SLC8A1: variants seen among roughly 807,000 people sequenced by gnomAD.
The protein encoded by SLC8A1 is sodium/calcium exchanger 1.
Under a neutral mutation model 68.3 loss-of-function variants are expected in SLC8A1, and 18 were observed. The observed-to-expected ratio is 0.26, with a 90% CI of 0.18 to 0.39. The LOEUF is 0.39. SLC8A1 is among the 10% of genes least tolerant of loss of function. The pLI is 1.00. For synonymous variants in SLC8A1, 475 were observed against 415.5 expected, an observed-to-expected ratio of 1.14 and a Z score of -1.74; for missense variants, 985 against 1,156.7, an observed-to-expected ratio of 0.85 and a Z score of 2.15.
chr2:40,496,512 G>C (rs1258423912), intron 1 of SLC8A1, among the ~76,000 whole-genome samples: 1 of 151,968 alleles, frequency 6.6e-6, no homozygotes, highest in Non-Finnish European at 1.5e-5. Context: ...ATAAACCAGA[G>C]CTTGACTTTT....
At chr2:40,357,672 C>T (rs528652376) in intron 2 of SLC8A1, among the ~76,000 whole-genome samples, 2 of 152,004 alleles carry the variant, frequency 1.3e-5, no homozygotes, top group South Asian at 4.2e-4. Context: ...CACATGTATC[C>T]GAGAACTTAA....
chr2:40,466,016 T>C (rs980014384), intron 1 of SLC8A1, among the ~76,000 whole-genome samples: 4 of 152,174 alleles, frequency 2.6e-5, no homozygotes, highest in African/African-American at 9.7e-5. Context: ...AAGAAGGCCC[T>C]GACAAGATGC....
chr2:40,387,936 C>CA (rs57394425), intron 2 of SLC8A1, among the ~76,000 whole-genome samples: 2,853 of 90,584 alleles, frequency 0.031, 130 homozygotes, highest in African/African-American at 0.096. Flanking sequence ...GAGACTGCCT[C>CA]AAAAAAAAAA....
intron 2 of SLC8A1, among the ~76,000 whole-genome samples, chr2:40,281,795 TAA>T (rs1290556113): frequency 3.9e-5 from 6 of 152,238 alleles, no homozygotes; most frequent in Non-Finnish European, 8.8e-5. Flanking sequence ...GGAATTTCTG[TAA>T]GCCGGAATCA....
chr2:40,190,280 C>T (rs941027347), intron 2 of SLC8A1, among the ~76,000 whole-genome samples: 2 of 152,182 alleles, frequency 1.3e-5, no homozygotes, highest in Admixed American at 6.6e-5. Context: ...AGCACAATCT[C>T]TCAATCCTTA....
chr2:40,496,545 T>C (rs1294465631), intron 1 of SLC8A1, among the ~76,000 whole-genome samples: 1 of 152,032 alleles, frequency 6.6e-6, no homozygotes, highest in Non-Finnish European at 1.5e-5. Context: ...TGAGGATATT[T>C]GTGCATATTA....
At chr2:40,464,507 A>C (rs1420157374) in intron 1 of SLC8A1, among the ~76,000 whole-genome samples, 1 of 152,226 alleles carries the variant, frequency 6.6e-6, no homozygotes, top group Non-Finnish European at 1.5e-5. Flanking sequence ...AAGAGGTTCC[A>C]AAAGAATTGC....
chr2:40,300,134 G>C (rs908577621), intron 2 of SLC8A1, among the ~76,000 whole-genome samples: 1 of 152,130 alleles, frequency 6.6e-6, no homozygotes, highest in Non-Finnish European at 1.5e-5. Flanking sequence ...GGCCCATGAA[G>C]ATCTATGCTG....
intron 2 of SLC8A1, among the ~76,000 whole-genome samples, chr2:40,421,902 C>T (rs1273411524): frequency 6.6e-6 from 1 of 152,144 alleles, no homozygotes; most frequent in Non-Finnish European, 1.5e-5. Context: ...CATGTCGAGC[C>T]AGGAGAGGAG....
intron 6 of SLC8A1, among the ~76,000 whole-genome samples, chr2:40,147,536 A>G (rs1308980365): frequency 6.6e-6 from 1 of 151,098 alleles, no homozygotes; most frequent in African/African-American, 2.4e-5. Flanking sequence ...TTACAGTGGG[A>G]AGTATGTGGG....
chr2:40,189,343 C>A (rs536054892), intron 2 of SLC8A1, among the ~76,000 whole-genome samples: 1 of 152,146 alleles, frequency 6.6e-6, no homozygotes, highest in Non-Finnish European at 1.5e-5. Context: ...ATTATCGAGA[C>A]GGAGTCTCGC....
intron 6 of SLC8A1, among the ~76,000 whole-genome samples, chr2:40,157,385 G>A (rs574240986): frequency 1.8e-4 from 28 of 152,234 alleles, no homozygotes; most frequent in Admixed American, 5.9e-4. Flanking sequence ...ATCCAGGGAG[G>A]TTTTGGAAGG....
intron 7 of SLC8A1, among the ~76,000 whole-genome samples, chr2:40,135,664 G>A (rs745711310): frequency 3.9e-5 from 6 of 152,324 alleles, no homozygotes; most frequent in Admixed American, 1.3e-4. Flanking sequence ...GTTGCAGTGA[G>A]CCAAGATCGT....
intron 7 of SLC8A1, among the ~76,000 whole-genome samples, chr2:40,131,157 C>G (rs1007144155): frequency 6.6e-6 from 1 of 152,138 alleles, no homozygotes; most frequent in South Asian, 2.1e-4. Context: ...TCCTATTATT[C>G]TGGCTTAGAG....
At chr2:40,403,678 A>G (rs1401023824) in intron 2 of SLC8A1, among the ~76,000 whole-genome samples, 5 of 152,214 alleles carry the variant, frequency 3.3e-5, no homozygotes, top group African/African-American at 2.4e-5. Flanking sequence ...ATTAATACTC[A>G]GCTAACTTGA....
rs577688116 is a variant in SLC8A1, at chr2:40,220,874, T to C, written c.1809-43019A>G. Among the ~76,000 whole-genome samples, 3 of 148,588 alleles carry C rather than the reference T, an allele frequency of 2.0e-5. No homozygotes were observed. The South Asian group carries it at 6.4e-4, about 32-fold the overall frequency. On this transcript the variant is annotated intron_variant, in intron 2 of 7. Transcript: ENST00000406785. ...TCTTAATAGTTGAATTTTTTTTTCT[T>C]CAAAAAAAAAGTCCTATCAACCAAA...
chr2:40,252,588 C>G (rs2062939531), intron 2 of SLC8A1, among the ~76,000 whole-genome samples: 1 of 152,120 alleles, frequency 6.6e-6, no homozygotes, highest in Non-Finnish European at 1.5e-5. Flanking sequence ...CCTGCCTTGG[C>G]CTCCCAAAGT....
At chr2:40,346,410 T>TA (rs1299951847) in intron 2 of SLC8A1, among the ~76,000 whole-genome samples, 1 of 152,160 alleles carries the variant, frequency 6.6e-6, no homozygotes, top group African/African-American at 2.4e-5. Context: ...CTAGGGCGTT[T>TA]ACCTCATACT....
At chr2:40,294,417 GA>G (rs1408510234) in intron 2 of SLC8A1, among the ~76,000 whole-genome samples, 2 of 152,122 alleles carry the variant, frequency 1.3e-5, no homozygotes, top group African/African-American at 4.8e-5. Flanking sequence ...GGGGACCACA[GA>G]GGTATTTAGT....
Sources: allele counts gnomAD v4.1 joint callset (sites outside exome capture counted in the v4.1 genomes callset), GRCh38; gene constraint gnomAD v4.1.1; transcripts MANE v1.5; gene names NCBI Gene and HGNC (gene_info 2026-07-23, HGNC 2026-07-21).